Variants in LNX2 observed in about 807,000 individuals in gnomAD.
LNX2 encodes the protein ligand of numb-protein X 2.
Under a neutral mutation model 66.2 loss-of-function variants are expected in LNX2, and 35 were observed. That is an observed-to-expected ratio of 0.53 (90% CI 0.40 to 0.70). The LOEUF (loss-of-function observed/expected upper bound fraction) is 0.70. Ranked by LOEUF, LNX2 falls within the 30% of genes least tolerant of loss-of-function variation. The pLI, the probability that LNX2 is intolerant of heterozygous loss-of-function variation, is 0.00. For missense variants in LNX2, 791 were observed against 850.8 expected (o/e 0.93, Z 0.87); for synonymous variants, 337 against 315.6 (o/e 1.07, Z -0.72).
intron 1 of LNX2, among the ~76,000 whole-genome samples, chr13:27,602,704 T>C (rs1162869368): frequency 1.3e-5 from 2 of 152,112 alleles, no homozygotes; most frequent in Non-Finnish European, 2.9e-5. Context: ...AGTAGAAGGG[T>C]TGAGTCCCAG....
chr13:27,583,216 G>GCGCGCGCGTCCTCTCCTATATAACTT (rs1242468549), intron 1 of LNX2, among the ~76,000 whole-genome samples: 1 of 17,730 alleles, frequency 5.6e-5, no homozygotes, highest in East Asian at 1.6e-3. Context: ...GTGTGTGTGT[G>GCGCGCGCGTCCTCTCCTATATAACTT]TGTGTGTGTG....
chr13:27,574,533 A>G (rs914951737), intron 2 of LNX2, among the ~76,000 whole-genome samples: 5 of 151,944 alleles, frequency 3.3e-5, no homozygotes, highest in Non-Finnish European at 7.4e-5. Context: ...CAGGGAAGAA[A>G]AAAAAAAAAA....
chr13:27,588,836 T>C (rs575165079), intron 1 of LNX2, among the ~76,000 whole-genome samples: 1 of 152,356 alleles, frequency 6.6e-6, no homozygotes, highest in South Asian at 2.1e-4. Context: ...ATTAACATTT[T>C]TATGGAAAAT....
At chr13:27,585,076 A>T (rs1342363366) in intron 1 of LNX2, among the ~76,000 whole-genome samples, 4 of 148,974 alleles carry the variant, frequency 2.7e-5, no homozygotes, top group Admixed American at 1.4e-4. Flanking sequence ...AGCAGAGATC[A>T]TGCCACCGCA....
intron 6 of LNX2, among the ~76,000 whole-genome samples, chr13:27,557,813 T>C (rs536307696): frequency 6.6e-6 from 1 of 152,204 alleles, no homozygotes; most frequent in East Asian, 1.9e-4. Context: ...AGAAAATCTG[T>C]AAATGTTTTA....
chr13:27,609,697 A>G (rs554712853), intron 1 of LNX2, among the ~76,000 whole-genome samples: 115 of 152,216 alleles, frequency 7.6e-4, no homozygotes, highest in Non-Finnish European at 1.4e-3. Flanking sequence ...ACTGATGTTT[A>G]ATAACAGTAC....
At chr13:27,584,260 G>A (rs2138407035) in intron 1 of LNX2, among the ~76,000 whole-genome samples, 1 of 152,210 alleles carries the variant, frequency 6.6e-6, no homozygotes, top group East Asian at 1.9e-4. Flanking sequence ...CAACATTAAA[G>A]TAGGCCAGAT....
intron 1 of LNX2, among the ~76,000 whole-genome samples, chr13:27,592,955 T>C (rs1955559775): frequency 6.6e-6 from 1 of 152,198 alleles, no homozygotes; most frequent in Non-Finnish European, 1.5e-5. Context: ...TGGAATGAGT[T>C]CAAGTGAGAA....
intron 1 of LNX2, among the ~76,000 whole-genome samples, chr13:27,612,698 A>G (rs1955784645): frequency 6.6e-6 from 1 of 152,176 alleles, no homozygotes. Context: ...TCCTGGGCTC[A>G]GGTGATCCTC....
intron 7 of LNX2, 39 bp from the exon 8 acceptor site, chr13:27,553,478 C>T (rs1341289869): frequency 2.0e-6 from 3 of 1,527,918 alleles, no homozygotes; most frequent in East Asian, 2.3e-5. Flanking sequence ...AGCTGAGCCA[C>T]TGAGTTTTCA....
chr13:27,583,073 G>C (rs904557957), intron 1 of LNX2, among the ~76,000 whole-genome samples: 2 of 151,824 alleles, frequency 1.3e-5, no homozygotes, highest in Non-Finnish European at 2.9e-5. Context: ...AAAAAAACCT[G>C]CCAAAATTCA....
chr13:27,547,725 A>G lies in LNX2; in HGVS notation c.*610T>C, dbSNP rs6491216. On this transcript the variant is annotated 3_prime_UTR_variant, in exon 10 of 10. Transcript: ENST00000316334. ...CAAAAAATTAGCTGGGCATGGTGGC[A>G]CACGCCTGTAGTCCCAGCTACTCGG... 0.62 allele frequency: 94,176 copies of G among 152,296 alleles called. 30,737 individuals carry two copies. The highest frequency in any genetic ancestry group is 0.84 in the African/African-American group (34,683 of 41,452). The allele number at this position is 152,296 out of a possible 1,614,324, so 9.4% of individuals were successfully genotyped here. A position where few individuals can be genotyped will look rare whatever the true frequency, so the allele number is the denominator to read the frequency against.
At chr13:27,588,096 C>G (rs1955511530) in intron 1 of LNX2, among the ~76,000 whole-genome samples, 1 of 149,022 alleles carries the variant, frequency 6.7e-6, no homozygotes, top group Non-Finnish European at 1.5e-5. Context: ...TTTATCCACT[C>G]TGGACAAGTT....
intron 1 of LNX2, among the ~76,000 whole-genome samples, chr13:27,614,451 A>G (rs1402877471): frequency 1.6e-4 from 23 of 148,078 alleles, no homozygotes; most frequent in Non-Finnish European, 1.2e-4. Context: ...TGTGCCCCCA[A>G]CCAATCAGCA....
intron 1 of LNX2, among the ~76,000 whole-genome samples, chr13:27,609,796 A>G (rs1955755016): frequency 6.6e-6 from 1 of 152,232 alleles, no homozygotes. Flanking sequence ...TACCATTGAA[A>G]AAAATCCAGA....
At chr13:27,563,483 TAA>T (rs1261332553) in intron 4 of LNX2, among the ~76,000 whole-genome samples, 1 of 152,222 alleles carries the variant, frequency 6.6e-6, no homozygotes, top group African/African-American at 2.4e-5. Flanking sequence ...AATACTCATA[TAA>T]CATTTATGTA....
At chr13:27,564,344 T>C (rs1299094896) in intron 4 of LNX2, among the ~76,000 whole-genome samples, 1 of 148,802 alleles carries the variant, frequency 6.7e-6, no homozygotes, top group Admixed American at 6.7e-5. Flanking sequence ...CATAGCAAAC[T>C]ATCTCATTTT....
chr13:27,562,955 G>A (rs114023464), intron 4 of LNX2, among the ~76,000 whole-genome samples, 174 bp from the exon 5 acceptor site: 2,183 of 152,226 alleles, frequency 0.014, 55 homozygotes, highest in African/African-American at 0.05. Context: ...TTTAAAAACA[G>A]AGTTTCTAAT....
At chr13:27,585,844 G>T (rs910468173) in intron 1 of LNX2, among the ~76,000 whole-genome samples, 1 of 151,724 alleles carries the variant, frequency 6.6e-6, no homozygotes, top group Non-Finnish European at 1.5e-5. Flanking sequence ...TATTTAAGAC[G>T]ATTATATTTT....
Sources: gnomAD v4.1 joint callset for allele counts (sites outside exome capture counted in the v4.1 genomes callset) on GRCh38, gnomAD v4.1.1 for gene constraint, MANE v1.5 for transcripts, NCBI Gene and HGNC (gene_info 2026-07-23, HGNC 2026-07-21) for gene names.